Variants in ANKS1A observed in about 807,000 individuals in gnomAD.
ANKS1A encodes the protein ankyrin repeat and sterile alpha motif domain containing 1A, also known as ankyrin repeat and SAM domain-containing protein 1A.
Under a neutral mutation model 120.3 loss-of-function variants are expected in ANKS1A, and 55 were observed. The ratio of observed to expected loss-of-function variants is 0.46; its 90% CI spans 0.37 to 0.57. The LOEUF is 0.57. Among genes scored for constraint, ANKS1A ranks in the 20% least tolerant of loss-of-function variants. The pLI is 0.00. For synonymous variants in ANKS1A, 590 were observed against 604.7 expected (o/e 0.98, Z 0.36); for missense variants, 1,123 against 1,480.3 (o/e 0.76, Z 3.96).
intron 1 of ANKS1A, among the ~76,000 whole-genome samples, chr6:34,940,933 A>G (rs559635049): frequency 8.5e-5 from 13 of 152,080 alleles, no homozygotes; most frequent in African/African-American, 2.2e-4. Flanking sequence ...TTAAAATAAT[A>G]TATCCTCATG....
Position 35,060,328 on chromosome 6 carries a change from C to A in ANKS1A, c.2184+75C>A. 1.5e-6 allele frequency: 2 copies of A among 1,326,528 alleles called. No homozygotes were observed. The highest frequency in any genetic ancestry group is 2.1e-6 in the Non-Finnish European group (2 of 942,828). The allele number at this position is 1,326,528 out of a possible 1,614,324, so 82.2% of individuals were successfully genotyped here. On this transcript the variant is annotated intron_variant, in intron 13 of 23. Transcript: ENST00000360359. The surrounding 1 kb of genome is among the most constrained non-coding windows in gnomAD (Gnocchi z 4.5). ...AGGCCTCCCTGGCCTCCCCTCTGGC[C>A]CCACAGGAGTCTGCAACAGTACGTA... is the stretch of plus-strand genomic sequence containing the variant.
chr6:35,004,128 T>A (rs1773310126), intron 10 of ANKS1A, among the ~76,000 whole-genome samples: 1 of 143,424 alleles, frequency 7.0e-6, no homozygotes, highest in Non-Finnish European at 1.5e-5. Context: ...GCTCAGTCGA[T>A]CACGACCCTC....
At position 35,089,022 on chromosome 6, in the gene ANKS1A, C is replaced by A. The variant is rs560460362; in HGVS notation, c.*413C>A. The A allele has an allele frequency of 2.9e-5, 33 of 1,128,268 alleles. 1 individual carries two copies. The South Asian group carries it at 8.2e-4, about 28-fold the overall frequency. 69.9% of individuals were successfully genotyped at this position (1,128,268 alleles called of 1,614,324 possible). A position where few individuals can be genotyped will look rare whatever the true frequency, so the allele number is the denominator to read the frequency against. On this transcript the variant is annotated 3_prime_UTR_variant, in exon 24 of 24. Coordinates refer to ENST00000360359, the MANE Select transcript of ANKS1A (RefSeq NM_015245.3). Reference sequence around the variant, plus strand: ...TTGGTTCAGAGGCCAGCCTGCATAGCCTCTGTCCTCAGGACGGAACTTGGG... The same window carrying A: ...TTGGTTCAGAGGCCAGCCTGCATAGACTCTGTCCTCAGGACGGAACTTGGG...
chr6:35,070,661 T>G (rs1022948493), intron 13 of ANKS1A, among the ~76,000 whole-genome samples: 2 of 151,986 alleles, frequency 1.3e-5, no homozygotes, highest in Admixed American at 6.6e-5. Context: ...ATTTTTTGTA[T>G]TTTTACTAGA....
intron 8 of ANKS1A, among the ~76,000 whole-genome samples, chr6:34,987,577 A>C (rs1438574870): frequency 1.3e-5 from 2 of 152,176 alleles, no homozygotes; most frequent in African/African-American, 2.4e-5. Context: ...CATCTGATAT[A>C]AATAGCTTTG....
downstream of ANKS1A, among the ~76,000 whole-genome samples, chr6:35,093,071 C>T (rs1002459680): frequency 6.6e-6 from 1 of 152,008 alleles, no homozygotes; most frequent in Non-Finnish European, 1.5e-5. Flanking sequence ...GCAGTTCAGC[C>T]TGGGGCTCAC....
At chr6:34,920,930 A>G (rs1024857308) in intron 1 of ANKS1A, among the ~76,000 whole-genome samples, 1 of 152,142 alleles carries the variant, frequency 6.6e-6, no homozygotes, top group African/African-American at 2.4e-5. Context: ...AACTTCAAAA[A>G]TGATCATTAA....
rs1581771856 is a variant in ANKS1A at position 35,089,646 on chromosome 6, T to G, written c.*1037T>G. 1 of 987,984 alleles carries G rather than the reference T, an allele frequency of 1.0e-6. No homozygotes were observed. The highest frequency in any genetic ancestry group is 1.2e-6 in the Non-Finnish European group (1 of 831,446). 61.2% of individuals were successfully genotyped at this position (987,984 alleles called of 1,614,324 possible). Reference sequence around the variant, plus strand: ...CCGGTGTGGAAAAGGCTAAATAAGGTGACAGTGCATCGATGCTCCCCCGCG... The same window carrying G: ...CCGGTGTGGAAAAGGCTAAATAAGGGGACAGTGCATCGATGCTCCCCCGCG... On this transcript the variant is annotated 3_prime_UTR_variant, in exon 24 of 24. Coordinates refer to ENST00000360359, the MANE Select transcript of ANKS1A (RefSeq NM_015245.3).
At chr6:35,094,029 C>T (rs1778387500), downstream of ANKS1A, among the ~76,000 whole-genome samples, 1 of 152,294 alleles carries the variant, frequency 6.6e-6, no homozygotes, top group Admixed American at 6.5e-5. Context: ...TGCCACGGCA[C>T]CCCAGCAGTA....
intron 10 of ANKS1A, among the ~76,000 whole-genome samples, chr6:35,016,123 G>A (rs1880089): frequency 0.91 from 138,783 of 152,234 alleles, 64,009 homozygotes; most frequent in East Asian, 0.99. Flanking sequence ...CACTTTAGAC[G>A]CTGAGGCCCA....
At chr6:35,024,020 G>A (rs1774485864) in intron 11 of ANKS1A, among the ~76,000 whole-genome samples, 1 of 151,866 alleles carries the variant, frequency 6.6e-6, no homozygotes, top group African/African-American at 2.4e-5. Flanking sequence ...TTGTTTTTCT[G>A]CACTGATATA....
rs748073528 is a variant in ANKS1A, at chr6:35,044,383, C to T, written c.2011-9716C>T. Among the ~76,000 whole-genome samples the T allele has an allele frequency of 1.6e-4, 24 of 152,234 alleles. No homozygotes were observed. The highest frequency in any genetic ancestry group is 3.1e-4 in the Non-Finnish European group (21 of 68,046). On this transcript the variant is annotated intron_variant, in intron 11 of 23. Coordinates refer to ENST00000360359, the MANE Select transcript of ANKS1A (RefSeq NM_015245.3). This position sits in a 1 kb window ranked among gnomAD's most constrained non-coding sequence, Gnocchi z 4.4. Reference sequence around the variant, plus strand: ...TTGCTCACAGCCGCGTTGCTGAAAGCGGCAAAGCTGATTCCACAGTCTCAG... The same window carrying T: ...TTGCTCACAGCCGCGTTGCTGAAAGTGGCAAAGCTGATTCCACAGTCTCAG...
intron 1 of ANKS1A, among the ~76,000 whole-genome samples, chr6:34,914,721 C>T (rs1241805876): frequency 6.6e-6 from 1 of 152,164 alleles, no homozygotes; most frequent in African/African-American, 2.4e-5. Flanking sequence ...ATTGATTCTT[C>T]AGTTTCTGCA....
intron 1 of ANKS1A, among the ~76,000 whole-genome samples, chr6:34,960,892 T>C (rs919948866): frequency 6.6e-6 from 1 of 152,146 alleles, no homozygotes; most frequent in Non-Finnish European, 1.5e-5. Context: ...GTGTGGAAAA[T>C]CAAGTGAATT....
At chr6:34,959,978 C>G (rs1770553450) in intron 1 of ANKS1A, among the ~76,000 whole-genome samples, 1 of 152,116 alleles carries the variant, frequency 6.6e-6, no homozygotes, top group Admixed American at 6.5e-5. Flanking sequence ...CTACCCCTGG[C>G]AGTGAACACT....
rs767262531 is a variant in ANKS1A at position 34,982,445 on chromosome 6, A to G, written c.733-307A>G. Among the ~76,000 whole-genome samples the G allele has an allele frequency of 4.6e-5, 7 of 152,152 alleles. No individual in the cohort carries two copies. Among genetic ancestry groups the G allele is most frequent in the Non-Finnish European group, 8.8e-5 (6 of 68,012 alleles). Reference sequence around the variant, plus strand: ...TTTGAAGTGAGGGTGTTTCTGTTGTACTTTTCTTCTTATTACTCCTTCCAC... The same window carrying G: ...TTTGAAGTGAGGGTGTTTCTGTTGTGCTTTTCTTCTTATTACTCCTTCCAC... On this transcript the variant is annotated intron_variant, in intron 4 of 23. Transcript: ENST00000360359. This position sits in a 1 kb window ranked among gnomAD's most constrained non-coding sequence, Gnocchi z 4.9.
chr6:34,971,662 A>G (rs558668329), intron 3 of ANKS1A, among the ~76,000 whole-genome samples: 59 of 152,360 alleles, frequency 3.9e-4, no homozygotes, highest in African/African-American at 1.3e-3. Context: ...CTCAAAAAAT[A>G]GGAAATTATC....
rs1034268770 is a variant in ANKS1A at position 35,089,708 on chromosome 6, T to C, written c.*1099T>C. The C allele has an allele frequency of 3.0e-6, 3 of 993,970 alleles. No individual in the cohort carries two copies. Among genetic ancestry groups the C allele is most frequent in the African/African-American group, 3.5e-5 (2 of 57,400 alleles). The allele number at this position is 993,970 out of a possible 1,614,324, so 61.6% of individuals were successfully genotyped here. A position where few individuals can be genotyped will look rare whatever the true frequency, so the allele number is the denominator to read the frequency against. On this transcript the variant is annotated 3_prime_UTR_variant, in exon 24 of 24. Coordinates refer to ENST00000360359, the MANE Select transcript of ANKS1A (RefSeq NM_015245.3). ...GCAGGCTGGCATCCCGGTGCGCCTC[T>C]GCTTCTTAAGCTTTCCTGCTGCTCG...
At position 35,081,010 on chromosome 6, in the gene ANKS1A, C is replaced by T. The variant is rs1777639887; in HGVS notation, c.2561C>T (p.Ser854Phe). ...FSQLRCQDLL[S>F]QTSSPLSQND... ...CCTCCACAGTGCCAAGATTTGCTCT[C>T]CCAGACGTCATCCCCACTGAGTCAG... Residue 854 changes from serine (S) to phenylalanine (F), a missense_variant, in exon 17 of 24, where the codon TCC (serine) becomes TTC (phenylalanine). Ser to Phe is a radical substitution (Grantham distance 155). This residue lies in a region of ANKS1A where 904 missense variants were observed against 1,130.4 expected (regional missense o/e 0.80). Coordinates refer to ENST00000360359, the MANE Select transcript of ANKS1A (RefSeq NM_015245.3). 6.2e-7 allele frequency: 1 copy of T among 1,613,612 alleles called. No homozygotes were observed. The highest frequency in any genetic ancestry group is 8.5e-7 in the Non-Finnish European group (1 of 1,179,730).
Sources: allele counts gnomAD v4.1 joint callset (sites outside exome capture counted in the v4.1 genomes callset), GRCh38; gene constraint gnomAD v4.1.1; regional missense constraint gnomAD v4.1.1; non-coding constraint Gnocchi (gnomAD v3.1); transcripts MANE v1.5; gene names NCBI Gene and HGNC (gene_info 2026-07-23, HGNC 2026-07-21).